Variants in IGF1R observed in about 807,000 individuals in gnomAD.
IGF1R encodes the protein insulin-like growth factor 1 receptor.
Under a neutral mutation model 144.6 loss-of-function variants are expected in IGF1R, and 44 were observed. That is an observed-to-expected ratio of 0.30 (90% CI 0.24 to 0.39). IGF1R has a LOEUF of 0.39. IGF1R is among the 10% of genes least tolerant of loss of function. The pLI is 1.00. For synonymous variants in IGF1R, 795 were observed against 722.8 expected (o/e 1.10, Z -1.60); for missense variants, 1,355 against 1,833.7 (o/e 0.74, Z 4.77).
At chr15:98,688,364 C>A (rs1166363466) in intron 1 of IGF1R, among the ~76,000 whole-genome samples, 2 of 150,380 alleles carry the variant, frequency 1.3e-5, no homozygotes, top group Admixed American at 6.6e-5. Context: ...CACTCTCTCT[C>A]CCCCGCTCCC....
intron 2 of IGF1R, among the ~76,000 whole-genome samples, chr15:98,884,901 G>T (rs1033450161): frequency 6.6e-5 from 10 of 151,934 alleles, no homozygotes; most frequent in African/African-American, 2.4e-4. Flanking sequence ...GCTGTTCCAG[G>T]CTCTCCCTAC....
intron 2 of IGF1R, among the ~76,000 whole-genome samples, chr15:98,835,322 G>A (rs899791824): frequency 2.0e-5 from 3 of 152,164 alleles, no homozygotes; most frequent in South Asian, 2.1e-4. Flanking sequence ...TGGAAAGAGT[G>A]CAGATAGGAC....
chr15:98,872,383 T>C (rs1339434671), intron 2 of IGF1R, among the ~76,000 whole-genome samples: 2 of 152,170 alleles, frequency 1.3e-5, no homozygotes, highest in Admixed American at 1.3e-4. Flanking sequence ...CCCAGCACGT[T>C]ATAATCCACT....
intron 1 of IGF1R, chr15:98,660,739 G>A (rs901696564): frequency 6.6e-6 from 1 of 152,192 alleles, no homozygotes; most frequent in African/African-American, 2.4e-5. Context: ...AGGGTAATTT[G>A]TGAGTCTGGC....
In IGF1R at chr15:98,891,482, C is replaced by T. The variant is rs775851955; in HGVS notation, c.798C>T (p.Pro266=). The T allele has an allele frequency of 1.3e-5, 21 of 1,614,000 alleles. No individual in the cohort carries two copies. The highest frequency in any genetic ancestry group is 1.7e-5 in the Admixed American group (1 of 60,014). The change falls in exon 3 of 21, where the codon CCC becomes CCT. Residue 266 remains proline (P), a synonymous_variant. Coordinates refer to ENST00000650285, the MANE Select transcript of IGF1R (RefSeq NM_000875.5). The surrounding 1 kb of genome is among the most constrained non-coding windows in gnomAD (Gnocchi z 4.7). ...GTGTCTGTGTGCCTGCCTGCCCGCC[C>T]AACACCTACAGGTTTGAGGGCTGGC... ...YAGVCVPACP[P]NTYRFEGWRC... is the part of the protein sequence containing the mutation.
In IGF1R at chr15:98,960,227, A is replaced by G. The variant is rs1304774522; in HGVS notation, c.*2785A>G. ...GGCTGTATTCCGGGGTCAAAGCAAC[A>G]CTAACTCACCTCTCTGCTCATTTCA... On this transcript the variant is annotated 3_prime_UTR_variant, in exon 21 of 21. Coordinates refer to ENST00000650285, the MANE Select transcript of IGF1R (RefSeq NM_000875.5). The G allele has an allele frequency of 8.6e-6, 2 of 233,510 alleles. No individual in the cohort carries two copies. The highest frequency in any genetic ancestry group is 1.7e-5 in the Non-Finnish European group (2 of 118,072). 14.5% of individuals were successfully genotyped at this position (233,510 alleles called of 1,614,324 possible).
chr15:98,748,364 G>A (rs747473810), intron 2 of IGF1R, among the ~76,000 whole-genome samples: 1 of 151,994 alleles, frequency 6.6e-6, no homozygotes. Flanking sequence ...TGTAGAGATG[G>A]AGGTCTTGCT....
intron 9 of IGF1R, 138 bp downstream of exon 9, chr15:98,916,269 T>TTTG (rs1408264033): frequency 2.3e-6 from 2 of 881,960 alleles, no homozygotes; most frequent in African/African-American, 3.4e-5. Context: ...TGGTTTTTTT[T>TTTG]TTTTTTTTTT....
At chr15:98,926,311 G>A (rs1332228222) in intron 13 of IGF1R, among the ~76,000 whole-genome samples, 4 of 152,166 alleles carry the variant, frequency 2.6e-5, no homozygotes, top group Non-Finnish European at 5.9e-5. Context: ...GGGGCTGAGG[G>A]TGAGGGAGCA....
rs398058004 is a variant in IGF1R at position 98,959,970 on chromosome 15, GGTGTGTGTGTGT to G, written c.*2531_*2542del. Reference sequence around the variant, plus strand: ...TTATGAATTTAAATTTCAAGGAAAGGGTGTGTGTGTGTGTATGTGTGGGGTGTGTGTGTGTGA... The same window carrying G: ...TTATGAATTTAAATTTCAAGGAAAGGGTATGTGTGGGGTGTGTGTGTGTGA... On this transcript the variant is annotated 3_prime_UTR_variant, in exon 21 of 21. Transcript: ENST00000650285. The G allele has an allele frequency of 4.3e-6, 1 of 231,402 alleles. No individual in the cohort carries two copies. The highest frequency in any genetic ancestry group is 2.2e-5 in the African/African-American group (1 of 45,044). 14.3% of individuals were successfully genotyped at this position (231,402 alleles called of 1,614,324 possible).
chr15:98,868,581 C>T (rs544896902), intron 2 of IGF1R, among the ~76,000 whole-genome samples: 5 of 152,192 alleles, frequency 3.3e-5, no homozygotes, highest in African/African-American at 9.6e-5. Flanking sequence ...GCCCTGTAGC[C>T]TGTTGGTTAG....
intron 1 of IGF1R, among the ~76,000 whole-genome samples, chr15:98,669,614 C>T (rs527621300): frequency 1.3e-5 from 2 of 152,334 alleles, no homozygotes; most frequent in African/African-American, 4.8e-5. Context: ...GGACCTTTTG[C>T]TTCCAGGCTT....
Position 98,957,239 on chromosome 15 carries a change from G to A in IGF1R, c.3901G>A (p.Glu1301Lys). The change falls in exon 21 of 21, where the codon GAG becomes AAG. Residue 1301 changes from glutamate (E) to lysine (K), a missense_variant. By Grantham distance (56) the Glu-to-Lys change is moderately conservative. Coordinates refer to ENST00000650285, the MANE Select transcript of IGF1R (RefSeq NM_000875.5). ...GCTGGACCTGGAGCCAGAGAACATGGAGAGCGTCCCCCTGGACCCCTCGGC... is the reference window on the plus strand; with the variant it reads ...GCTGGACCTGGAGCCAGAGAACATGAAGAGCGTCCCCCTGGACCCCTCGGC... ...EELDLEPENMESVPLDPSASS... is the reference protein window; with the variant it reads ...EELDLEPENMKSVPLDPSASS... 6.2e-7 allele frequency: 1 copy of A among 1,614,232 alleles called. No individual in the cohort carries two copies. The highest frequency in any genetic ancestry group is 8.5e-7 in the Non-Finnish European group (1 of 1,180,048).
intron 2 of IGF1R, among the ~76,000 whole-genome samples, chr15:98,833,046 A>G (rs1314837741): frequency 6.6e-5 from 10 of 152,216 alleles, no homozygotes; most frequent in Non-Finnish European, 1.5e-4. Flanking sequence ...TGAGGACTAC[A>G]TTATGGGCCT....
chr15:98,685,482 T>A (rs1024837358), intron 1 of IGF1R, among the ~76,000 whole-genome samples: 1 of 152,108 alleles, frequency 6.6e-6, no homozygotes, highest in South Asian at 2.1e-4. Flanking sequence ...CGCTTCCCAG[T>A]GGGTTTCCAT....
In IGF1R at chr15:98,963,798, G is replaced by C; in HGVS notation, c.*6356G>C. 1 of 232,858 alleles carries C rather than the reference G, an allele frequency of 4.3e-6. No individual in the cohort carries two copies. The highest frequency in any genetic ancestry group is 8.5e-6 in the Non-Finnish European group (1 of 117,814). 14.4% of individuals were successfully genotyped at this position (232,858 alleles called of 1,614,324 possible). A position where few individuals can be genotyped will look rare whatever the true frequency, so the allele number is the denominator to read the frequency against. Reference sequence around the variant, plus strand: ...AGATACGTATTTCCAATACAGAAAAGAATTTTTAATAAAAACTATAACATA... The same window carrying C: ...AGATACGTATTTCCAATACAGAAAACAATTTTTAATAAAAACTATAACATA... On this transcript the variant is annotated 3_prime_UTR_variant, in exon 21 of 21. Transcript: ENST00000650285.
intron 2 of IGF1R, among the ~76,000 whole-genome samples, chr15:98,792,086 C>A (rs924720935): frequency 1.3e-5 from 2 of 152,200 alleles, no homozygotes; most frequent in Non-Finnish European, 1.5e-5. Context: ...CCTATAAGGT[C>A]CCCAAATTCA....
In IGF1R at chr15:98,704,065, G is replaced by GAA. The variant is rs113232785; in HGVS notation, c.95-3492_95-3491dup. ...CACAGTTAATTTAGTGTCCCCAGGGGAAAAAAGACCCTCCCGGCCCCCTTC... is the reference window on the plus strand; with the variant it reads ...CACAGTTAATTTAGTGTCCCCAGGGGAAAAAAAAGACCCTCCCGGCCCCCTTC... On this transcript the variant is annotated intron_variant, in intron 1 of 20. Transcript: ENST00000650285. This position sits in a 1 kb window ranked among gnomAD's most constrained non-coding sequence, Gnocchi z 4.9. 2.9e-3 allele frequency among the ~76,000 whole-genome samples: 445 copies of GAA among 151,992 alleles called. 1 individual carries two copies. The highest frequency in any genetic ancestry group is 4.9e-3 in the Non-Finnish European group (333 of 67,982).
rs540457734 is a variant in IGF1R at position 98,684,925 on chromosome 15, T to G, written c.95-22637T>G. On this transcript the variant is annotated intron_variant, in intron 1 of 20. Coordinates refer to ENST00000650285, the MANE Select transcript of IGF1R (RefSeq NM_000875.5). ...CCTCCATGTATATATTTCTTCTTCC[T>G]TTTCCTTTTTTTTTTTTTTTTTTTT... Among the ~76,000 whole-genome samples the G allele has an allele frequency of 6.1e-3, 769 of 126,202 alleles. 5 individuals are homozygous for G. Among genetic ancestry groups the G allele is most frequent in the African/African-American group, 0.02 (736 of 36,000 alleles). 82.8% of individuals were successfully genotyped at this position (126,202 alleles called of 152,430 possible). A position where few individuals can be genotyped will look rare whatever the true frequency, so the allele number is the denominator to read the frequency against.
Sources: allele counts gnomAD v4.1 joint callset (sites outside exome capture counted in the v4.1 genomes callset), GRCh38; gene constraint gnomAD v4.1.1; non-coding constraint Gnocchi (gnomAD v3.1); transcripts MANE v1.5; gene names NCBI Gene and HGNC (gene_info 2026-07-23, HGNC 2026-07-21).